SLCO1B1: variants seen among roughly 807,000 people sequenced by gnomAD.
The protein encoded by SLCO1B1 is solute carrier organic anion transporter family member 1B1, also known as OATP-2.
Under a neutral mutation model 70.1 loss-of-function variants are expected in SLCO1B1, and 81 were observed. That is an observed-to-expected ratio of 1.16 (90% CI 0.97 to 1.39). The LOEUF (loss-of-function observed/expected upper bound fraction) is 1.39. Ranked by LOEUF, SLCO1B1 falls within the 40% of genes most tolerant of loss-of-function variation. SLCO1B1 has a pLI of 0.00. For missense variants in SLCO1B1, 895 were observed against 799.6 expected, an observed-to-expected ratio of 1.12 and a Z score of -1.44; for synonymous variants, 283 against 271.5, an observed-to-expected ratio of 1.04 and a Z score of -0.42.
intron 7 of SLCO1B1, among the ~76,000 whole-genome samples, chr12:21,185,335 T>G (rs1208357272): frequency 1.3e-5 from 2 of 152,144 alleles, no homozygotes; most frequent in Non-Finnish European, 2.9e-5. Context: ...ATAGATTGTA[T>G]TCTAAAATCA....
At chr12:21,172,869 C>G in intron 3 of SLCO1B1, 78 bp downstream of exon 3, 6 of 1,353,834 alleles carry the variant, frequency 4.4e-6, no homozygotes, top group Non-Finnish European at 6.2e-6. Flanking sequence ...TGGTTATCAA[C>G]TGGGGTAAAT....
intron 2 of SLCO1B1, among the ~76,000 whole-genome samples, chr12:21,165,157 T>C (rs1010495655): frequency 1.3e-5 from 2 of 152,186 alleles, no homozygotes; most frequent in African/African-American, 4.8e-5. Context: ...ATTGCCATAA[T>C]AAATTAATGA....
chr12:21,210,896 T>C (rs1941275569), intron 11 of SLCO1B1, among the ~76,000 whole-genome samples: 1 of 151,998 alleles, frequency 6.6e-6, no homozygotes, highest in Admixed American at 6.6e-5. Context: ...CTTGTGATTT[T>C]TGTACATTGA....
At chr12:21,152,954 T>C (rs1194643303) in intron 2 of SLCO1B1, among the ~76,000 whole-genome samples, 1 of 152,192 alleles carries the variant, frequency 6.6e-6, no homozygotes, top group Non-Finnish European at 1.5e-5. Flanking sequence ...GAGTGTTTAG[T>C]GCTCAGACTT....
chr12:21,143,466 G>C (rs1940339920), intron 2 of SLCO1B1, among the ~76,000 whole-genome samples: 1 of 151,970 alleles, frequency 6.6e-6, no homozygotes, highest in Non-Finnish European at 1.5e-5. Flanking sequence ...AATAATAGTA[G>C]CTAACATTTA....
chr12:21,177,133 AC>A (rs1462028591), intron 5 of SLCO1B1, among the ~76,000 whole-genome samples: 1 of 152,078 alleles, frequency 6.6e-6, no homozygotes, highest in Non-Finnish European at 1.5e-5. Context: ...TGGATGATAA[AC>A]CTGCCGGTAA....
rs1223088199 is a variant in SLCO1B1 at position 21,224,845 on chromosome 12, T to C, written c.1865+6T>C. The C allele has an allele frequency of 6.9e-7, 1 of 1,448,490 alleles. No homozygotes were observed. The highest frequency in any genetic ancestry group is 1.2e-5 in the South Asian group (1 of 84,034). The allele number at this position is 1,448,490 out of a possible 1,614,324, so 89.7% of individuals were successfully genotyped here. A position where few individuals can be genotyped will look rare whatever the true frequency, so the allele number is the denominator to read the frequency against. On this transcript the variant is annotated splice_donor_region_variant and intron_variant, in intron 14 of 14. Coordinates refer to ENST00000256958, the MANE Select transcript of SLCO1B1 (RefSeq NM_006446.5). The stretch of plus-strand genomic sequence containing the variant: ...TATAATTCCACATCATTTTCGTAAG[T>C]TGTCATAAATATATTTCATTATTTT...
chr12:21,236,648 A>G (rs1941598659), intron 14 of SLCO1B1, among the ~76,000 whole-genome samples: 1 of 152,142 alleles, frequency 6.6e-6, no homozygotes, highest in South Asian at 2.1e-4. Flanking sequence ...AAATTTTCAC[A>G]GGGTTCTCTG....
chr12:21,173,881 C>G (rs902272999), intron 3 of SLCO1B1, among the ~76,000 whole-genome samples: 6 of 150,990 alleles, frequency 4.0e-5, no homozygotes, highest in Admixed American at 2.6e-4. Flanking sequence ...CTTCATCCTC[C>G]CGAGTAGCTG....
At chr12:21,195,971 T>C (rs1565679087) in intron 7 of SLCO1B1, among the ~76,000 whole-genome samples, 2 of 152,198 alleles carry the variant, frequency 1.3e-5, no homozygotes, top group Non-Finnish European at 2.9e-5. Context: ...AGCCAGGGAA[T>C]AGAGCTATTG....
Position 21,196,959 on chromosome 12 carries a change from AAC to A in SLCO1B1, c.742_743del (p.Thr248SerfsTer3), listed in dbSNP as rs781388196. The A allele has an allele frequency of 6.2e-7, 1 of 1,613,420 alleles. No individual in the cohort carries two copies. The highest frequency in any genetic ancestry group is 8.5e-7 in the Non-Finnish European group (1 of 1,179,506). On this transcript the variant is annotated frameshift_variant, in exon 8 of 15. Coordinates refer to ENST00000256958, the MANE Select transcript of SLCO1B1 (RefSeq NM_006446.5). LOFTEE classifies it high-confidence loss of function. ...GYVDLSTIRI[T>X]PTDSRWVGAW... ...TATTTATTCTAGGCACTATCAGGAT[AAC>A]TCCTACTGATTCTCGATGGGTTGGA...
intron 1 of SLCO1B1, among the ~76,000 whole-genome samples, chr12:21,140,078 T>C (rs963518149): frequency 4.6e-5 from 7 of 152,114 alleles, no homozygotes; most frequent in Non-Finnish European, 8.8e-5. Flanking sequence ...AGTTCTATAT[T>C]GAACAATTTA....
At chr12:21,216,598 T>C (rs1352427545) in intron 11 of SLCO1B1, among the ~76,000 whole-genome samples, 11 of 152,162 alleles carry the variant, frequency 7.2e-5, no homozygotes, top group African/African-American at 2.4e-4. Context: ...TGTTTATGCC[T>C]GCTAAATTAA....
chr12:21,235,788 A>G (rs1008892420), intron 14 of SLCO1B1, among the ~76,000 whole-genome samples: 1 of 151,892 alleles, frequency 6.6e-6, no homozygotes, highest in Non-Finnish European at 1.5e-5. Flanking sequence ...TTTTATTTCT[A>G]CTTTATTCAC....
chr12:21,178,869 A>T, intron 6 of SLCO1B1, 53 bp from the exon 7 acceptor site: 9 of 1,406,816 alleles, frequency 6.4e-6, no homozygotes, highest in Non-Finnish European at 9.1e-6. Flanking sequence ...AACATGGTGA[A>T]TAAGAACCAT....
chr12:21,211,233 C>T (rs559372168), intron 11 of SLCO1B1, among the ~76,000 whole-genome samples: 196 of 152,160 alleles, frequency 1.3e-3, no homozygotes, highest in African/African-American at 4.6e-3. Context: ...GAAATACGTC[C>T]CATCAATACC....
intron 8 of SLCO1B1, 56 bp downstream of exon 8, chr12:21,197,244 G>T (rs950647142): frequency 6.3e-7 from 1 of 1,590,472 alleles, no homozygotes; most frequent in Non-Finnish European, 8.6e-7. Flanking sequence ...TGAAAAGGAA[G>T]AATGAGTATT....
Position 21,178,920 on chromosome 12 carries a change from A to G in SLCO1B1, c.629-2A>G. Reference sequence around the variant, plus strand: ...AGTAAAATTGCTTTATAATATTTTCAGGTATATTGAATGCAATAGCAATGA... The same window carrying G: ...AGTAAAATTGCTTTATAATATTTTCGGGTATATTGAATGCAATAGCAATGA... On this transcript the variant is annotated splice_acceptor_variant, in intron 6 of 14. Coordinates refer to ENST00000256958, the MANE Select transcript of SLCO1B1 (RefSeq NM_006446.5). LOFTEE classifies it high-confidence loss of function. 6.3e-7 allele frequency: 1 copy of G among 1,599,604 alleles called. No individual in the cohort carries two copies. Among genetic ancestry groups the G allele is most frequent in the Non-Finnish European group, 8.6e-7 (1 of 1,167,616 alleles).
intron 12 of SLCO1B1, among the ~76,000 whole-genome samples, chr12:21,218,667 A>G (rs1450927858): frequency 6.6e-6 from 1 of 152,204 alleles, no homozygotes; most frequent in Non-Finnish European, 1.5e-5. Flanking sequence ...TCATTAACAT[A>G]TTAAAAATAA....
Sources: allele counts gnomAD v4.1 joint callset (sites outside exome capture counted in the v4.1 genomes callset), GRCh38; gene constraint gnomAD v4.1.1; transcripts MANE v1.5; gene names NCBI Gene and HGNC (gene_info 2026-07-23, HGNC 2026-07-21).